The following NF1 variants were observed in gnomAD, a reference collection of about 807,000 sequenced individuals.
NF1 encodes neurofibromin 1, also known as neurofibromin.
A neutral mutation model predicts 325.7 loss-of-function variants in NF1; 122 were observed. That is an observed-to-expected ratio of 0.37 (90% CI 0.32 to 0.44). NF1 has a LOEUF of 0.44. NF1 is among the 20% of genes least tolerant of loss of function. The probability of loss-of-function intolerance (pLI) is 1.00; values close to 1 mark genes in which losing one functional copy is unlikely to be tolerated. For synonymous variants in NF1, 1,091 were observed against 1,186.0 expected, an observed-to-expected ratio of 0.92 and a Z score of 1.65; for missense variants, 2,140 against 3,415.4, an observed-to-expected ratio of 0.63 and a Z score of 9.31.
At chr17:31,294,738 A>C in intron 36 of NF1, 1 of 489,506 alleles carries the variant, frequency 2.0e-6, no homozygotes, top group Non-Finnish European at 3.7e-6. Flanking sequence ...TATTTTGTGC[A>C]ATAAATTGAA....
chr17:31,261,679 A>C (rs573457089), intron 34 of NF1, 32 bp from the exon 35 acceptor site: 3 of 1,611,542 alleles, frequency 1.9e-6, no homozygotes, highest in African/African-American at 2.7e-5. Flanking sequence ...GTGAACTGCT[A>C]ATTTTTTTTC....
intron 36 of NF1, among the ~76,000 whole-genome samples, chr17:31,311,831 G>T (rs1039602121): frequency 6.6e-6 from 1 of 152,118 alleles, no homozygotes; most frequent in Non-Finnish European, 1.5e-5. Context: ...GTGCTATACT[G>T]CCTTTCATAG....
Position 31,151,855 on chromosome 17 carries a change from C to G in NF1, c.61-4128C>G, listed in dbSNP as rs568210889. The stretch of plus-strand genomic sequence containing the variant: ...CTGACTGTATTTGAATTCAGTTTGG[C>G]TAGATATAAAATCCTTGGTTTATGT... On this transcript the variant is annotated intron_variant, in intron 1 of 57. Coordinates refer to ENST00000358273, the MANE Select transcript of NF1 (RefSeq NM_001042492.3). Among the ~76,000 whole-genome samples, 7 of 152,030 alleles carry G rather than the reference C, an allele frequency of 4.6e-5. No homozygotes were observed. The South Asian group carries it at 8.3e-4, about 18-fold the overall frequency.
chr17:31,204,903 A>G (rs1311786425), intron 11 of NF1, among the ~76,000 whole-genome samples: 2 of 152,140 alleles, frequency 1.3e-5, no homozygotes, highest in Admixed American at 6.6e-5. Flanking sequence ...GGCAAGTCAA[A>G]ATTGCTGAGA....
intron 11 of NF1, among the ~76,000 whole-genome samples, chr17:31,205,059 T>C (rs1487378958): frequency 2.0e-5 from 3 of 152,184 alleles, no homozygotes; most frequent in African/African-American, 7.2e-5. Flanking sequence ...GATTCCTCCC[T>C]GAATGGAGTT....
intron 22 of NF1, 42 bp downstream of exon 22, chr17:31,230,016 T>TA: frequency 6.2e-7 from 1 of 1,609,344 alleles, no homozygotes; most frequent in Non-Finnish European, 8.5e-7. Context: ...TTTTAAGAGA[T>TA]AAGAAAAACC....
rs140181300 is a variant in NF1, at chr17:31,099,648, C to T, written c.60+4279C>T. ...GATCTCAGCATACTGCAACCTCTGC[C>T]TCCTGGGTTCAAGCCATTCTCCTGC... On this transcript the variant is annotated intron_variant, in intron 1 of 57. Coordinates refer to ENST00000358273, the MANE Select transcript of NF1 (RefSeq NM_001042492.3). Among the ~76,000 whole-genome samples, 1,417 of 151,232 alleles carry T rather than the reference C, an allele frequency of 9.4e-3. 22 individuals are homozygous for T. Among genetic ancestry groups the T allele is most frequent in the African/African-American group, 0.032 (1,334 of 41,202 alleles).
At chr17:31,200,942 AT>A in intron 9 of NF1, 94 bp from the exon 10 acceptor site, 1 of 1,559,178 alleles carries the variant, frequency 6.4e-7, no homozygotes, top group Non-Finnish European at 8.8e-7. Flanking sequence ...TTTTACTGCC[AT>A]TTGTGTGGGT....
intron 8 of NF1, among the ~76,000 whole-genome samples, chr17:31,185,710 G>T (rs2066225890): frequency 6.6e-6 from 1 of 152,172 alleles, no homozygotes; most frequent in African/African-American, 2.4e-5. Context: ...GTGACCCAAA[G>T]AACTGCCAGT....
intron 3 of NF1, among the ~76,000 whole-genome samples, chr17:31,162,762 G>A (rs2065784351): frequency 6.6e-6 from 1 of 152,180 alleles, no homozygotes; most frequent in South Asian, 2.1e-4. Flanking sequence ...CTGCACAAAA[G>A]CAAGTGTGAT....
chr17:31,103,712 A>G (rs1264136020), intron 1 of NF1, among the ~76,000 whole-genome samples: 1 of 152,086 alleles, frequency 6.6e-6, no homozygotes, highest in Non-Finnish European at 1.5e-5. Flanking sequence ...GCTCATGCCT[A>G]TAATTCAAGC....
chr17:31,244,952 A>G (rs556059777), intron 29 of NF1, among the ~76,000 whole-genome samples: 1 of 152,354 alleles, frequency 6.6e-6, no homozygotes, highest in African/African-American at 2.4e-5. Context: ...TTTTATACAC[A>G]GGAACACTTG....
intron 1 of NF1, among the ~76,000 whole-genome samples, chr17:31,110,421 A>G (rs1173994534): frequency 1.3e-5 from 2 of 152,208 alleles, no homozygotes; most frequent in East Asian, 1.9e-4. Flanking sequence ...TAAAACTGCA[A>G]CATATCCCTG....
At chr17:31,122,426 C>A (rs1914515748) in intron 1 of NF1, among the ~76,000 whole-genome samples, 1 of 152,166 alleles carries the variant, frequency 6.6e-6, no homozygotes, top group African/African-American at 2.4e-5. Flanking sequence ...GGGCTTTGAT[C>A]CCAAAAGTTG....
At position 31,107,816 on chromosome 17, in the gene NF1, G is replaced by A. The variant is rs1411641929; in HGVS notation, c.60+12447G>A. ...TCTTTCCTCCCAATGTTGTATGAGG[G>A]CATTATATGAAACTTAAATGGATTT... On this transcript the variant is annotated intron_variant, in intron 1 of 57. Transcript: ENST00000358273. 2.6e-5 allele frequency among the ~76,000 whole-genome samples: 4 copies of A among 152,070 alleles called. No individual in the cohort carries two copies. The South Asian group carries it at 8.3e-4, about 32-fold the overall frequency.
At chr17:31,226,314 C>T (rs1196429322) in intron 17 of NF1, 121 bp from the exon 18 acceptor site, 14 of 1,176,428 alleles carry the variant, frequency 1.2e-5, no homozygotes, top group South Asian at 4.1e-5. Context: ...TTATTGTATG[C>T]GGAGACACAC....
intron 1 of NF1, among the ~76,000 whole-genome samples, chr17:31,154,849 C>T (rs1917216321): frequency 6.6e-6 from 1 of 150,800 alleles, no homozygotes; most frequent in African/African-American, 2.4e-5. Flanking sequence ...ATGCCATTCT[C>T]CTGCCTCAGC....
intron 37 of NF1, 90 bp downstream of exon 37, chr17:31,326,342 T>C: frequency 7.9e-7 from 1 of 1,271,244 alleles, no homozygotes. Context: ...CCTACCCCTA[T>C]AGTGGTGTAT....
intron 36 of NF1, among the ~76,000 whole-genome samples, chr17:31,323,629 T>C (rs547503076): frequency 7.2e-5 from 11 of 152,320 alleles, no homozygotes; most frequent in Admixed American, 1.3e-4. Flanking sequence ...TTCCCAGCTT[T>C]ATCTCTCAAA....
Sources: allele counts gnomAD v4.1 joint callset (sites outside exome capture counted in the v4.1 genomes callset), GRCh38; gene constraint gnomAD v4.1.1; transcripts MANE v1.5; gene names NCBI Gene and HGNC (gene_info 2026-07-23, HGNC 2026-07-21).